Variants in MGAT4C observed in about 807,000 individuals in gnomAD.
MGAT4C encodes the protein alpha-1,3-mannosyl-glycoprotein 4-beta-N-acetylglucosaminyltransferase C.
Under a neutral mutation model 40.1 loss-of-function variants are expected in MGAT4C, and 19 were observed. The ratio of observed to expected loss-of-function variants is 0.47; its 90% CI spans 0.33 to 0.70. The LOEUF (loss-of-function observed/expected upper bound fraction) is 0.70. Ranked by LOEUF, MGAT4C falls within the 30% of genes least tolerant of loss-of-function variation. The pLI, the probability that MGAT4C is intolerant of heterozygous loss-of-function variation, is 0.02. For synonymous variants in MGAT4C, 181 were observed against 187.1 expected (o/e 0.97, Z 0.27); for missense variants, 491 against 563.2 (o/e 0.87, Z 1.30).
At chr12:85,987,237 C>T (rs1227756798) in intron 3 of MGAT4C, among the ~76,000 whole-genome samples, 1 of 140,690 alleles carries the variant, frequency 7.1e-6, no homozygotes, top group Non-Finnish European at 1.5e-5. Flanking sequence ...CCCGGGTTCA[C>T]GCCATTCTCC....
chr12:86,654,610 T>G (rs1963789013), intron 2 of MGAT4C, among the ~76,000 whole-genome samples: 1 of 151,994 alleles, frequency 6.6e-6, no homozygotes, highest in Non-Finnish European at 1.5e-5. Flanking sequence ...CTTTATGGAA[T>G]CTTTCTTTAG....
chr12:86,139,499 C>A (rs962012820), intron 1 of MGAT4C, among the ~76,000 whole-genome samples: 1 of 151,996 alleles, frequency 6.6e-6, no homozygotes, highest in Non-Finnish European at 1.5e-5. Flanking sequence ...TTATATGAAT[C>A]TTTTTTTAAA....
In MGAT4C at chr12:86,200,745, A is replaced by G. The variant is rs756060131; in HGVS notation, c.-57+55494T>C. Among the ~76,000 whole-genome samples the G allele has an allele frequency of 1.1e-4, 16 of 152,156 alleles. No individual in the cohort carries two copies. In the East Asian group the frequency reaches 1.9e-3, roughly 18 times the overall value. On this transcript the variant is annotated intron_variant, in intron 1 of 4. Coordinates refer to ENST00000611864, the MANE Select transcript of MGAT4C (RefSeq NM_001351288.2). ...GTTACGGGCTGAACTGTGTCCCCCA[A>G]TATCCATATGTTGAGACCTAAAATC...
At chr12:86,425,874 A>G (rs1228136631) in intron 3 of MGAT4C, among the ~76,000 whole-genome samples, 2 of 152,192 alleles carry the variant, frequency 1.3e-5, no homozygotes, top group African/African-American at 4.8e-5. Flanking sequence ...TATTTCTTCT[A>G]ATTTGCAAAT....
chr12:86,056,172 G>C (rs1314908983), intron 1 of MGAT4C, among the ~76,000 whole-genome samples: 2 of 152,094 alleles, frequency 1.3e-5, no homozygotes, highest in Non-Finnish European at 2.9e-5. Flanking sequence ...CTTTATGTCA[G>C]TTTGAGAAAA....
intron 3 of MGAT4C, among the ~76,000 whole-genome samples, chr12:86,383,716 T>C (rs1955997858): frequency 6.6e-6 from 1 of 152,116 alleles, no homozygotes; most frequent in African/African-American, 2.4e-5. Context: ...AGTAACTAAC[T>C]TGGTTTTGAT....
rs1593065928 is a variant in MGAT4C, at chr12:86,145,644, T to C, written c.-56-95921A>G. On this transcript the variant is annotated intron_variant, in intron 1 of 4. Coordinates refer to ENST00000611864, the MANE Select transcript of MGAT4C (RefSeq NM_001351288.2). Reference sequence around the variant, plus strand: ...AATTAAATATGTTTATATTTGGGCTTATCTAATAATCACAGAAAAGTTAGT... The same window carrying C: ...AATTAAATATGTTTATATTTGGGCTCATCTAATAATCACAGAAAAGTTAGT... Among the ~76,000 whole-genome samples the C allele has an allele frequency of 2.6e-5, 4 of 152,312 alleles. No homozygotes were observed. The South Asian group carries it at 8.3e-4, about 32-fold the overall frequency.
At chr12:86,811,336 A>ATTTTTTTTTTTTT (rs553885593) in intron 1 of MGAT4C, among the ~76,000 whole-genome samples, 5 of 106,946 alleles carry the variant, frequency 4.7e-5, no homozygotes, top group South Asian at 3.0e-4. Flanking sequence ...CACTCATAGT[A>ATTTTTTTTTTTTT]TTTTTTTTTT....
At chr12:86,765,831 A>C (rs1951495558) in intron 1 of MGAT4C, among the ~76,000 whole-genome samples, 2 of 152,194 alleles carry the variant, frequency 1.3e-5, no homozygotes, top group African/African-American at 4.8e-5. Context: ...GATTTTTGTC[A>C]CCACCAGGCC....
At chr12:86,294,896 T>C (rs1269061604) in intron 4 of MGAT4C, among the ~76,000 whole-genome samples, 1 of 152,162 alleles carries the variant, frequency 6.6e-6, no homozygotes, top group South Asian at 2.1e-4. Context: ...AAGCTTTTTA[T>C]CAAGGGCGCC....
chr12:86,825,140 T>C (rs1260280965), intron 1 of MGAT4C, among the ~76,000 whole-genome samples: 1 of 151,200 alleles, frequency 6.6e-6, no homozygotes, highest in Non-Finnish European at 1.5e-5. Context: ...AGAAGGTATG[T>C]ACTTAATGCC....
At chr12:86,624,143 T>C (rs1266913686) in intron 2 of MGAT4C, among the ~76,000 whole-genome samples, 5 of 152,160 alleles carry the variant, frequency 3.3e-5, no homozygotes, top group Admixed American at 1.3e-4. Context: ...TTATTTAAAA[T>C]GGCAGTTATC....
chr12:86,200,127 G>GTTTTTTTTTTTTTTTTTTTTT (rs56844963), intron 1 of MGAT4C, among the ~76,000 whole-genome samples: 1 of 102,356 alleles, frequency 9.8e-6, no homozygotes, highest in African/African-American at 4.8e-5. Context: ...GTATGTATTT[G>GTTTTTTTTTTTTTTTTTTTTT]TTTTTTTTTT....
At chr12:86,309,859 G>A (rs944105893) in intron 4 of MGAT4C, among the ~76,000 whole-genome samples, 8 of 152,046 alleles carry the variant, frequency 5.3e-5, no homozygotes, top group African/African-American at 7.2e-5. Context: ...ATTTTATCTC[G>A]AGTCCAAAAT....
At chr12:86,440,780 T>C (rs141690217) in intron 2 of MGAT4C, among the ~76,000 whole-genome samples, 2,913 of 152,168 alleles carry the variant, frequency 0.019, 40 homozygotes, top group South Asian at 0.05. Context: ...AGTAAAGTCT[T>C]GGGTTACAAT....
At chr12:86,047,685 C>T (rs1892528057) in intron 2 of MGAT4C, among the ~76,000 whole-genome samples, 1 of 152,052 alleles carries the variant, frequency 6.6e-6, no homozygotes, top group Non-Finnish European at 1.5e-5. Context: ...AAGAAATATT[C>T]ATTCCTGAGT....
chr12:86,468,144 A>G (rs2136301267), intron 2 of MGAT4C, among the ~76,000 whole-genome samples: 1 of 152,202 alleles, frequency 6.6e-6, no homozygotes, highest in Admixed American at 6.5e-5. Context: ...TCCACTAAAT[A>G]TATCTAAAAT....
intron 2 of MGAT4C, among the ~76,000 whole-genome samples, chr12:86,021,744 TAA>T (rs1889755582): frequency 6.6e-6 from 1 of 151,970 alleles, no homozygotes; most frequent in Non-Finnish European, 1.5e-5. Context: ...ATAATAATAA[TAA>T]AAAAGACATA....
At chr12:86,471,952 T>TA (rs1374332485) in intron 2 of MGAT4C, among the ~76,000 whole-genome samples, 1 of 152,192 alleles carries the variant, frequency 6.6e-6, no homozygotes, top group Admixed American at 6.5e-5. Flanking sequence ...ATACAGTTTT[T>TA]ATCATATAAA....
Sources: allele counts gnomAD v4.1 joint callset (sites outside exome capture counted in the v4.1 genomes callset), GRCh38; gene constraint gnomAD v4.1.1; transcripts MANE v1.5; gene names NCBI Gene and HGNC (gene_info 2026-07-23, HGNC 2026-07-21).